The following TRPM3 variants were observed in gnomAD, a reference collection of about 807,000 sequenced individuals.
TRPM3 encodes the protein long transient receptor potential channel 3.
Under a neutral mutation model 181.2 loss-of-function variants are expected in TRPM3, and 77 were observed. The ratio of observed to expected loss-of-function variants is 0.42; its 90% CI spans 0.35 to 0.51. TRPM3 has a LOEUF of 0.51. TRPM3 is among the 20% of genes least tolerant of loss of function. The pLI is 0.01. For missense variants in TRPM3, 1,759 were observed against 2,196.7 expected (o/e 0.80, Z 3.98); for synonymous variants, 745 against 796.4 (o/e 0.94, Z 1.09).
chr9:71,391,554 G>A (rs1215356751), intron 1 of TRPM3, among the ~76,000 whole-genome samples: 1 of 151,948 alleles, frequency 6.6e-6, no homozygotes, highest in Non-Finnish European at 1.5e-5. Context: ...CAGTGGTCAA[G>A]CTCTATCAAA....
At chr9:70,981,286 T>A (rs2097361362) in intron 1 of TRPM3, among the ~76,000 whole-genome samples, 1 of 152,302 alleles carries the variant, frequency 6.6e-6, no homozygotes, top group South Asian at 2.1e-4. Context: ...AGTAAAAGCA[T>A]CATTAGTGCG....
chr9:70,557,286 T>A (rs2047947283), intron 22 of TRPM3, among the ~76,000 whole-genome samples: 1 of 152,172 alleles, frequency 6.6e-6, no homozygotes, highest in South Asian at 2.1e-4. Context: ...TGAGGAACAT[T>A]ATCTAGTTTC....
At chr9:71,351,876 GTTTTT>G (rs55844483) in intron 1 of TRPM3, among the ~76,000 whole-genome samples, 24,056 of 141,548 alleles carry the variant, frequency 0.17, 2,183 homozygotes, top group South Asian at 0.26. Context: ...GTTTGTTTTT[GTTTTT>G]TTTTTTTTTT....
At chr9:70,770,764 G>A (rs958179680) in intron 7 of TRPM3, among the ~76,000 whole-genome samples, 9 of 152,266 alleles carry the variant, frequency 5.9e-5, no homozygotes, top group African/African-American at 2.2e-4. Context: ...AAAGCACCTG[G>A]CACTGTTCCT....
At chr9:70,790,560 C>G (rs1479698178) in intron 6 of TRPM3, among the ~76,000 whole-genome samples, 1 of 152,140 alleles carries the variant, frequency 6.6e-6, no homozygotes, top group Non-Finnish European at 1.5e-5. Flanking sequence ...GGAGAGCAGG[C>G]AAGCTATTTT....
At chr9:70,773,642 C>CA (rs1267525456) in intron 7 of TRPM3, among the ~76,000 whole-genome samples, 9 of 152,146 alleles carry the variant, frequency 5.9e-5, no homozygotes, top group African/African-American at 2.2e-4. Context: ...ATTTCTCAAG[C>CA]ATTTTTCATA....
At chr9:70,985,772 C>T (rs2097414305) in intron 1 of TRPM3, among the ~76,000 whole-genome samples, 2 of 152,024 alleles carry the variant, frequency 1.3e-5, no homozygotes, top group Non-Finnish European at 2.9e-5. Flanking sequence ...GGAAGGGAAA[C>T]ATATTACAGG....
At chr9:71,412,007 C>T (rs2093559031) in intron 1 of TRPM3, among the ~76,000 whole-genome samples, 1 of 152,132 alleles carries the variant, frequency 6.6e-6, no homozygotes, top group Non-Finnish European at 1.5e-5. Context: ...AAAGGATTAC[C>T]TATTCAATAA....
chr9:70,912,114 T>C (rs770241739), intron 1 of TRPM3, among the ~76,000 whole-genome samples: 4 of 152,180 alleles, frequency 2.6e-5, no homozygotes, highest in Non-Finnish European at 5.9e-5. Context: ...AATCTGTGCA[T>C]AGTTTTGAAG....
intron 1 of TRPM3, among the ~76,000 whole-genome samples, chr9:70,998,837 T>C (rs1030310659): frequency 6.6e-6 from 1 of 152,196 alleles, no homozygotes; most frequent in Admixed American, 6.5e-5. Context: ...TTACGTTTAT[T>C]TTGTAATAAT....
chr9:70,802,680 G>A (rs2089467715), intron 6 of TRPM3, among the ~76,000 whole-genome samples: 1 of 152,112 alleles, frequency 6.6e-6, no homozygotes, highest in Non-Finnish European at 1.5e-5. Flanking sequence ...GGCAAAGAGT[G>A]GGAGACATGC....
At chr9:71,166,690 T>C (rs536045619) in intron 1 of TRPM3, among the ~76,000 whole-genome samples, 1 of 152,352 alleles carries the variant, frequency 6.6e-6, no homozygotes, top group East Asian at 1.9e-4. Flanking sequence ...CATGGCCATG[T>C]AGTCTTTAAA....
intron 1 of TRPM3, among the ~76,000 whole-genome samples, chr9:70,904,254 C>A (rs1488365655): frequency 6.6e-6 from 1 of 152,108 alleles, no homozygotes; most frequent in Non-Finnish European, 1.5e-5. Flanking sequence ...AAACACCTCA[C>A]TCTTTTGGCA....
intron 6 of TRPM3, among the ~76,000 whole-genome samples, chr9:70,796,111 A>C (rs2086952779): frequency 6.6e-6 from 1 of 152,320 alleles, no homozygotes; most frequent in South Asian, 2.1e-4. Context: ...CTCAGATGTA[A>C]TCAGGGTGGT....
chr9:70,607,322 T>C (rs985724586), intron 19 of TRPM3, among the ~76,000 whole-genome samples: 3 of 152,160 alleles, frequency 2.0e-5, no homozygotes, highest in Non-Finnish European at 2.9e-5. Flanking sequence ...CAATCTGAAA[T>C]TGAATTGTAC....
intron 9 of TRPM3, among the ~76,000 whole-genome samples, chr9:70,670,216 G>A (rs1590067337): frequency 6.6e-6 from 1 of 152,094 alleles, no homozygotes; most frequent in Non-Finnish European, 1.5e-5. Context: ...AGGTGTTCTG[G>A]CATAATTATT....
At chr9:70,941,614 T>C (rs74589978) in intron 1 of TRPM3, among the ~76,000 whole-genome samples, 2,274 of 152,288 alleles carry the variant, frequency 0.015, 26 homozygotes, top group South Asian at 0.046. Flanking sequence ...ACTAATACAG[T>C]GTGGTATCTG....
chr9:70,952,009 T>C (rs977364082), intron 1 of TRPM3, among the ~76,000 whole-genome samples: 2 of 152,168 alleles, frequency 1.3e-5, no homozygotes, highest in Admixed American at 1.3e-4. Flanking sequence ...CTGGGATTTA[T>C]AATCCAAGAA....
chr9:70,555,473 C>G (rs1251974067), intron 22 of TRPM3, among the ~76,000 whole-genome samples: 1 of 152,214 alleles, frequency 6.6e-6, no homozygotes, highest in East Asian at 1.9e-4. Flanking sequence ...CCACATGCAC[C>G]TGTACAGGAC....
Sources: allele counts gnomAD v4.1 joint callset (sites outside exome capture counted in the v4.1 genomes callset), GRCh38; gene constraint gnomAD v4.1.1; transcripts MANE v1.5; gene names NCBI Gene and HGNC (gene_info 2026-07-23, HGNC 2026-07-21).